Variants in DOP1A observed in about 807,000 individuals in gnomAD.
The protein encoded by DOP1A is protein DOP1A.
A neutral mutation model predicts 267.6 loss-of-function variants in DOP1A; 90 were observed. The ratio of observed to expected loss-of-function variants is 0.34; its 90% confidence interval spans 0.28 to 0.40. The LOEUF is 0.40. DOP1A is among the 10% of genes least tolerant of loss of function. The pLI, the probability that DOP1A is intolerant of heterozygous loss-of-function variation, is 1.00. For missense variants in DOP1A, 2,437 were observed against 2,900.4 expected (o/e 0.84, Z 3.67); for synonymous variants, 932 against 999.1 (o/e 0.93, Z 1.27).
chr6:83,154,298 ATTTAC>A (rs1782297157), intron 33 of DOP1A, 57 bp downstream of exon 33: 2 of 1,488,954 alleles, frequency 1.3e-6, no homozygotes, highest in Non-Finnish European at 1.9e-6. Flanking sequence ...CCTTCTTACT[ATTTAC>A]TTGTACTCTT....
chr6:83,105,774 G>A (rs1009485055), intron 4 of DOP1A, among the ~76,000 whole-genome samples: 21 of 152,178 alleles, frequency 1.4e-4, no homozygotes, highest in African/African-American at 4.8e-4. Flanking sequence ...CTGAATCAGT[G>A]TTGCATGTAA....
Position 83,163,172 on chromosome 6 carries a change from A to C in DOP1A, c.7092+253A>C, listed in dbSNP as rs1018963040. Among the ~76,000 whole-genome samples, 5 of 152,200 alleles carry C rather than the reference A, an allele frequency of 3.3e-5. No individual in the cohort carries two copies. The South Asian group carries it at 6.2e-4, about 19-fold the overall frequency. The stretch of plus-strand genomic sequence containing the variant: ...GAAAAAGGAAGGCTTTTGTACATTA[A>C]TAACATCTACCTTAAAATGTTTTCC... On this transcript the variant is annotated intron_variant, in intron 38 of 38. Transcript: ENST00000349129.
chr6:83,086,965 T>C lies in DOP1A; in HGVS notation c.-146-9766T>C, dbSNP rs185337158. On this transcript the variant is annotated intron_variant, in intron 1 of 38. Coordinates refer to ENST00000349129, the MANE Select transcript of DOP1A (RefSeq NM_015018.4). ...CATGAGAGATTCGGGGGGTAGACTT[T>C]AGGCTGTAGACAGGAAAAGAAACTG... 1.2e-3 allele frequency among the ~76,000 whole-genome samples: 188 copies of C among 152,298 alleles called. 1 individual carries two copies. The highest frequency in any genetic ancestry group is 1.5e-3 in the Admixed American group (23 of 15,298).
chr6:83,145,339 T>TG (rs1310243106), intron 24 of DOP1A, among the ~76,000 whole-genome samples, 185 bp from the exon 25 acceptor site: 3 of 134,076 alleles, frequency 2.2e-5, no homozygotes, highest in African/African-American at 5.7e-5. Context: ...CCTAGCACTT[T>TG]GGGGGGCTAA....
intron 1 of DOP1A, among the ~76,000 whole-genome samples, chr6:83,069,163 C>T (rs945833659): frequency 1.3e-5 from 2 of 152,134 alleles, no homozygotes; most frequent in Non-Finnish European, 2.9e-5. Flanking sequence ...GTGTGATCTC[C>T]AGGCTTCGGT....
chr6:83,132,903 T>A (rs1361369676), intron 18 of DOP1A, among the ~76,000 whole-genome samples: 1 of 152,084 alleles, frequency 6.6e-6, no homozygotes, highest in Non-Finnish European at 1.5e-5. Context: ...CTCATCAGGG[T>A]TATTTAATGA....
chr6:83,105,142 T>C (rs1256187569), intron 4 of DOP1A, among the ~76,000 whole-genome samples: 1 of 151,952 alleles, frequency 6.6e-6, no homozygotes, highest in Admixed American at 6.6e-5. Flanking sequence ...AAAAATAAGC[T>C]TTATGAGGTT....
chr6:83,094,425 G>A (rs1771066943), intron 1 of DOP1A, among the ~76,000 whole-genome samples: 1 of 152,214 alleles, frequency 6.6e-6, no homozygotes. Context: ...ATACGTAGGA[G>A]TGGAATTTAT....
At chr6:83,158,708 G>C in intron 36 of DOP1A, 86 bp downstream of exon 36, 1 of 882,284 alleles carries the variant, frequency 1.1e-6, no homozygotes, top group Non-Finnish European at 1.7e-6. Context: ...GGAGAATATA[G>C]TCTTTTTCTG....
chr6:83,099,715 C>T (rs199899434), intron 3 of DOP1A, among the ~76,000 whole-genome samples: 7 of 147,108 alleles, frequency 4.8e-5, no homozygotes, highest in Admixed American at 1.4e-4. Context: ...TGTGTATATA[C>T]ATATATATAT....
intron 18 of DOP1A, among the ~76,000 whole-genome samples, chr6:83,133,910 A>T (rs1261103141): frequency 6.6e-6 from 1 of 152,140 alleles, no homozygotes; most frequent in African/African-American, 2.4e-5. Context: ...TTATACAATA[A>T]TATAGTAAAC....
intron 1 of DOP1A, among the ~76,000 whole-genome samples, chr6:83,070,854 A>G (rs931254352): frequency 2.0e-5 from 3 of 152,048 alleles, no homozygotes; most frequent in Admixed American, 6.5e-5. Flanking sequence ...TTGTGATATC[A>G]TCTTCAAAAT....
chr6:83,154,010 G>C lies in DOP1A; in HGVS notation c.6356G>C (p.Ser2119Thr). 2 of 1,614,036 alleles carry C rather than the reference G, an allele frequency of 1.2e-6. No individual in the cohort carries two copies. Among genetic ancestry groups the C allele is most frequent in the East Asian group, 4.5e-5 (2 of 44,856 alleles). ...GCTTTTGACCTCTTTATGGATCCCA[G>C]TTTCTTTCAGATGGATGCCTCTTGT... ...KEAFDLFMDP[S>T]FFQMDASCVN... Residue 2119 changes from serine (S) to threonine (T), a missense_variant, in exon 32 of 39, where the codon AGT (serine) becomes ACT (threonine). By Grantham distance (58) the Ser-to-Thr change is moderately conservative. This residue lies in a region of DOP1A where 216 missense variants were observed against 283.3 expected (regional missense o/e 0.76). Coordinates refer to ENST00000349129, the MANE Select transcript of DOP1A (RefSeq NM_015018.4).
Position 83,130,277 on chromosome 6 carries a change from C to T in DOP1A, c.2496C>T (p.Ile832=). 2 of 1,614,016 alleles carry T rather than the reference C, an allele frequency of 1.2e-6. No individual in the cohort carries two copies. The highest frequency in any genetic ancestry group is 1.7e-6 in the Non-Finnish European group (2 of 1,179,976). The change falls in exon 17 of 39, where the codon ATC becomes ATT. Residue 832 remains isoleucine (I), a synonymous_variant. Coordinates refer to ENST00000349129, the MANE Select transcript of DOP1A (RefSeq NM_015018.4). The part of the protein sequence containing the change: ...QSVAMVTGEN[I]NSVEPAQPLS... ...TGGCCATGGTCACTGGGGAAAACAT[C>T]AACAGTGTAGAGCCTGCACAACCCT...
Position 83,137,621 on chromosome 6 carries a change from G to A in DOP1A, c.3579G>A (p.Thr1193=), listed in dbSNP as rs140576384. 1.5e-4 allele frequency: 245 copies of A among 1,613,734 alleles called. 2 individuals are homozygous for A. In the African/African-American group the frequency reaches 1.9e-3, roughly 13 times the overall value. Residue 1193 remains threonine (T), a synonymous_variant, in exon 21 of 39, where the codon ACG becomes ACA. Coordinates refer to ENST00000349129, the MANE Select transcript of DOP1A (RefSeq NM_015018.4). ...GTGATATAGATCCAGATGAAGAGAC[G>A]ATTAAAATTGAAGATGACTCCATTC... The part of the protein sequence containing the change: ...KCSDIDPDEE[T]IKIEDDSIQQ...
rs757490503 is a variant in DOP1A, at chr6:83,137,625, A to C, written c.3583A>C (p.Lys1195Gln). 1 of 1,613,842 alleles carries C rather than the reference A, an allele frequency of 6.2e-7. No homozygotes were observed. The highest frequency in any genetic ancestry group is 1.1e-5 in the South Asian group (1 of 91,076). ...SDIDPDEETIKIEDDSIQQSQ... is the reference protein window; with the variant it reads ...SDIDPDEETIQIEDDSIQQSQ... The stretch of plus-strand genomic sequence containing the variant: ...TATAGATCCAGATGAAGAGACGATT[A>C]AAATTGAAGATGACTCCATTCAACA... The change falls in exon 21 of 39, where the codon AAA (lysine) becomes CAA (glutamine). Residue 1195 changes from lysine to glutamine, a missense_variant. Around this residue, in one of 9 missense-constraint regions of DOP1A, gnomAD observed 878 missense variants for 992.9 expected, o/e 0.88. Coordinates refer to ENST00000349129, the MANE Select transcript of DOP1A (RefSeq NM_015018.4).
chr6:83,106,436 C>A (rs1773616112), intron 4 of DOP1A, among the ~76,000 whole-genome samples: 1 of 151,600 alleles, frequency 6.6e-6, no homozygotes, highest in African/African-American at 2.4e-5. Context: ...GGAATGAGAT[C>A]ATTTTAAGAG....
intron 4 of DOP1A, among the ~76,000 whole-genome samples, chr6:83,107,386 G>A (rs1283848328): frequency 6.6e-6 from 1 of 152,086 alleles, no homozygotes; most frequent in East Asian, 1.9e-4. Context: ...ACCTAAAATG[G>A]GAGACAGAAA....
In DOP1A at chr6:83,137,869, T is replaced by C; in HGVS notation, c.3827T>C (p.Leu1276Ser). The C allele has an allele frequency of 6.2e-7, 1 of 1,613,310 alleles. No individual in the cohort carries two copies. Among genetic ancestry groups the C allele is most frequent in the Non-Finnish European group, 8.5e-7 (1 of 1,179,812 alleles). Residue 1276 changes from leucine to serine, a missense_variant, in exon 21 of 39, where the codon TTA becomes TCA. Leu to Ser is a moderately radical substitution (Grantham distance 145). This residue lies in a region of DOP1A where 878 missense variants were observed against 992.9 expected (regional missense o/e 0.88). Transcript: ENST00000349129. ...SSIQFSFKEK[L>S]SEKVSEKETI... is the part of the protein sequence containing the mutation. ...ATTCAATTCAGCTTCAAAGAAAAAT[T>C]ATCAGAAAAAGTTTCGGAGAAGGAA...
Sources: gnomAD v4.1 joint callset for allele counts (sites outside exome capture counted in the v4.1 genomes callset) on GRCh38, gnomAD v4.1.1 for gene constraint, gnomAD v4.1.1 regional missense constraint, MANE v1.5 for transcripts, NCBI Gene and HGNC (gene_info 2026-07-23, HGNC 2026-07-21) for gene names.